PLA2G3: variants seen among roughly 807,000 people sequenced by gnomAD.
PLA2G3 encodes phospholipase A2 group III.
PLA2G3 carries 39 observed loss-of-function variants against 51.3 expected under a neutral mutation model. That is an observed-to-expected ratio of 0.76 (90% confidence interval 0.59 to 0.99). The LOEUF (loss-of-function observed/expected upper bound fraction) is 0.99. Among genes scored for constraint, PLA2G3 ranks in the 50% least tolerant of loss-of-function variants. PLA2G3 has a pLI of 0.00. For synonymous variants in PLA2G3, 293 were observed against 263.1 expected (o/e 1.11, Z -1.10); for missense variants, 677 against 662.1 (o/e 1.02, Z -0.25).
chr22:31,137,486 A>G (rs1922642717), intron 4 of PLA2G3, among the ~76,000 whole-genome samples: 1 of 152,142 alleles, frequency 6.6e-6, no homozygotes, highest in Admixed American at 6.5e-5. Flanking sequence ...TTGGGACATC[A>G]TTGGCTGAGA....
At position 31,135,894 on chromosome 22, in the gene PLA2G3, G is replaced by A. The variant is rs1334630986; in HGVS notation, c.1359C>T (p.His453=). 4 of 1,613,708 alleles carry A rather than the reference G, an allele frequency of 2.5e-6. No individual in the cohort carries two copies. The African/African-American group carries it at 5.3e-5, about 22-fold the overall frequency. The change falls in exon 7 of 7, where the codon CAC becomes CAT. Residue 453 remains histidine, a synonymous_variant. Coordinates refer to ENST00000215885, the MANE Select transcript of PLA2G3 (RefSeq NM_015715.5). The stretch of plus-strand genomic sequence containing the variant: ...GTCGCCTCTGCTGAAGCCTCCGCAA[G>A]TGCCGGGCTGACACCCTGATGGCCC... ...DPRAIRVSAR[H]LRRLQQRRHQ...
Position 31,139,829 on chromosome 22 carries a change from C to T in PLA2G3, c.514+12G>A. 6.2e-7 allele frequency: 1 copy of T among 1,606,266 alleles called. No homozygotes were observed. The highest frequency in any genetic ancestry group is 2.2e-5 in the East Asian group (1 of 44,758). On this transcript the variant is annotated intron_variant, in intron 1 of 6. Transcript: ENST00000215885. The stretch of plus-strand genomic sequence containing the variant: ...ATCGGACCCCCCAGCCCACACACCC[C>T]TCATGGCTCACCCAGCTCCGAGGAG...
At position 31,135,752 on chromosome 22, in the gene PLA2G3, C is replaced by A; in HGVS notation, c.1501G>T (p.Asp501Tyr). Residue 501 changes from aspartate to tyrosine, a missense_variant, in exon 7 of 7, where the codon GAC becomes TAC. Asp to Tyr is a radical substitution (Grantham distance 160). Transcript: ENST00000215885. ...TGGCTCCAGGACTTCTGCTGCCTGT[C>A]GGGTCTCCTGGCTGCCTGGGTTAGC... ...LQLTQAARRP[D>Y]RQQKSWSQ 6.2e-7 allele frequency: 1 copy of A among 1,613,814 alleles called. No individual in the cohort carries two copies. Among genetic ancestry groups the A allele is most frequent in the South Asian group, 1.1e-5 (1 of 91,064 alleles).
At chr22:31,137,622 G>C (rs1037095821) in intron 4 of PLA2G3, 88 bp downstream of exon 4, 4 of 1,221,238 alleles carry the variant, frequency 3.3e-6, no homozygotes, top group Non-Finnish European at 4.6e-6. Context: ...AACTGGTGCA[G>C]GAAAAGAGGC....
At chr22:31,136,480 T>G (rs1922567972) in intron 6 of PLA2G3, among the ~76,000 whole-genome samples, 1 of 152,134 alleles carries the variant, frequency 6.6e-6, no homozygotes, top group Non-Finnish European at 1.5e-5. Context: ...GGGAATCAAA[T>G]GACAAAGCCA....
intron 6 of PLA2G3, 33 bp downstream of exon 6, chr22:31,136,649 AC>A (rs747672919): frequency 1.8e-5 from 29 of 1,567,922 alleles, no homozygotes; most frequent in South Asian, 1.7e-4. Flanking sequence ...CTTTGAGAAA[AC>A]CCCCCATCCC....
rs770485758 is a variant in PLA2G3 at position 31,138,364 on chromosome 22, C to T, written c.694G>A (p.Val232Met). ...AGCACGTTGAAGAAGGCCACGCCCA[C>T]GATGTCCGAGATGGAGTCGTGCTGA... Reference protein sequence around the residue: ...QNQHDSISDIVGVAFFNVLEI... With the variant: ...QNQHDSISDIMGVAFFNVLEI... Residue 232 changes from valine to methionine, a missense_variant, in exon 3 of 7, where the codon GTG becomes ATG. Coordinates refer to ENST00000215885, the MANE Select transcript of PLA2G3 (RefSeq NM_015715.5). 1.1e-5 allele frequency: 17 copies of T among 1,613,842 alleles called. No individual in the cohort carries two copies. Among genetic ancestry groups the T allele is most frequent in the South Asian group, 2.2e-5 (2 of 91,080 alleles).
Position 31,138,390 on chromosome 22 carries a change from T to C in PLA2G3, c.668A>G (p.Asn223Ser), listed in dbSNP as rs755916639. The C allele has an allele frequency of 1.5e-5, 25 of 1,613,818 alleles. No homozygotes were observed. The highest frequency in any genetic ancestry group is 1.9e-5 in the Non-Finnish European group (23 of 1,179,986). ...CDTRFQQCLQ[N>S]QHDSISDIVG... ...GATGTCCGAGATGGAGTCGTGCTGA[T>C]TCTGTAGGCATTGCTGAAACCTGCC... Residue 223 changes from asparagine to serine, a missense_variant, in exon 3 of 7, where the codon AAT (asparagine) becomes AGT (serine). By Grantham distance (46) the Asn-to-Ser change is conservative. Coordinates refer to ENST00000215885, the MANE Select transcript of PLA2G3 (RefSeq NM_015715.5).
chr22:31,138,452 C>T (rs1270895540), intron 2 of PLA2G3, 42 bp from the exon 3 acceptor site: 7 of 1,605,674 alleles, frequency 4.4e-6, no homozygotes, highest in South Asian at 2.2e-5. Flanking sequence ...GCATGGAGGG[C>T]TGTCTGGCTC....
intron 2 of PLA2G3, 28 bp from the exon 3 acceptor site, chr22:31,138,438 T>C: frequency 6.2e-7 from 1 of 1,610,996 alleles, no homozygotes; most frequent in Non-Finnish European, 8.5e-7. Context: ...CCCAGGACCC[T>C]GGGGCATGGA....
intron 4 of PLA2G3, 128 bp from the exon 5 acceptor site, chr22:31,137,168 C>T (rs1922625846): frequency 9.9e-7 from 1 of 1,010,660 alleles, no homozygotes; most frequent in African/African-American, 1.6e-5. Flanking sequence ...CATTTCATGC[C>T]TTCTGAGTCT....
In PLA2G3 at chr22:31,138,795, G is replaced by A; in HGVS notation, c.519C>T (p.Val173=). 1 of 1,614,076 alleles carries A rather than the reference G, an allele frequency of 6.2e-7. No homozygotes were observed. The highest frequency in any genetic ancestry group is 8.5e-7 in the Non-Finnish European group (1 of 1,180,000). The change falls in exon 2 of 7, where the codon GTC becomes GTT. Residue 173 remains valine, a synonymous_variant. Transcript: ENST00000215885. ...DSAGNSSELG[V]FQGPDLCCRE... is the part of the protein sequence containing the mutation. ...GGCAACAGAGATCAGGTCCCTGGAA[G>A]ACCCCTGCAGGGAGGGGAGGGGAGA...
chr22:31,140,382 A>T lies in PLA2G3; in HGVS notation c.-28T>A. 7 of 1,537,728 alleles carry T rather than the reference A, an allele frequency of 4.6e-6. No individual in the cohort carries two copies. Among genetic ancestry groups the T allele is most frequent in the Non-Finnish European group, 5.2e-6 (6 of 1,150,300 alleles). ...TGCACTGGCCCAGTCCAGTCAGACA[A>T]AGCCCCTGGGATGCCTGCCCTTGGT... On this transcript the variant is annotated 5_prime_UTR_variant, in exon 1 of 7. It adds an upstream start codon to the 5' untranslated region. Coordinates refer to ENST00000215885, the MANE Select transcript of PLA2G3 (RefSeq NM_015715.5).
chr22:31,138,437 C>G (rs770061882), intron 2 of PLA2G3, 27 bp from the exon 3 acceptor site: 1 of 1,611,108 alleles, frequency 6.2e-7, no homozygotes. Context: ...ACCCAGGACC[C>G]TGGGGCATGG....
At chr22:31,137,129 T>C (rs1922622617) in intron 4 of PLA2G3, 89 bp from the exon 5 acceptor site, 3 of 1,268,620 alleles carry the variant, frequency 2.4e-6, no homozygotes, top group African/African-American at 1.5e-5. Flanking sequence ...CACCAGCACG[T>C]GTGCTCAGTC....
Position 31,138,713 on chromosome 22 carries a change from G to A in PLA2G3, c.601C>T (p.Arg201Ter), listed in dbSNP as rs762064028. 60 of 1,613,914 alleles carry A rather than the reference G, an allele frequency of 3.7e-5. No individual in the cohort carries two copies. The highest frequency in any genetic ancestry group is 2.3e-4 in the Admixed American group (14 of 59,974). ...GAGATGGTGTGGAATCGGTAGTTTC[G>A]GATGCCATAGTTGTACTGCAAGGGT... ...ISPLQYNYGI[R>*]NYRFHTISHC... Residue 201 changes from arginine to a stop codon, truncating the protein, a stop_gained, in exon 2 of 7, where the codon CGA becomes TGA. Coordinates refer to ENST00000215885, the MANE Select transcript of PLA2G3 (RefSeq NM_015715.5). LOFTEE classifies it high-confidence loss of function.
Position 31,138,715 on chromosome 22 carries a change from A to G in PLA2G3, c.599T>C (p.Ile200Thr), listed in dbSNP as rs1922734377. The part of the protein sequence containing the change: ...NISPLQYNYG[I>T]RNYRFHTISH... Reference sequence around the variant, plus strand: ...GATGGTGTGGAATCGGTAGTTTCGGATGCCATAGTTGTACTGCAAGGGTGA... The same window carrying G: ...GATGGTGTGGAATCGGTAGTTTCGGGTGCCATAGTTGTACTGCAAGGGTGA... Residue 200 changes from isoleucine (I) to threonine (T), a missense_variant, in exon 2 of 7, where the codon ATC (isoleucine) becomes ACC (threonine). Physicochemically the swap from Ile to Thr is moderately conservative, Grantham distance 89. Transcript: ENST00000215885. 2 of 1,613,938 alleles carry G rather than the reference A, an allele frequency of 1.2e-6. No homozygotes were observed. The highest frequency in any genetic ancestry group is 1.3e-5 in the African/African-American group (1 of 74,872).
rs1201647550 is a variant in PLA2G3, at chr22:31,135,583, C to T, written c.*140G>A. ...GGTCCAGCATTTGGGCCTTGAGATCCCCCCATTCATCCTCTTGATTGTCCA... is the reference window on the plus strand; with the variant it reads ...GGTCCAGCATTTGGGCCTTGAGATCTCCCCATTCATCCTCTTGATTGTCCA... On this transcript the variant is annotated 3_prime_UTR_variant, in exon 7 of 7. Transcript: ENST00000215885. The T allele has an allele frequency of 4.4e-6, 3 of 685,302 alleles. No homozygotes were observed. The highest frequency in any genetic ancestry group is 7.7e-6 in the Non-Finnish European group (3 of 388,668). The allele number at this position is 685,302 out of a possible 1,614,324, so 42.5% of individuals were successfully genotyped here.
In PLA2G3 at chr22:31,140,371, C is replaced by A; in HGVS notation, c.-17G>T. On this transcript the variant is annotated 5_prime_UTR_variant, in exon 1 of 7. Coordinates refer to ENST00000215885, the MANE Select transcript of PLA2G3 (RefSeq NM_015715.5). ...AACCCCCATTCTGCACTGGCCCAGT[C>A]CAGTCAGACAAAGCCCCTGGGATGC... 2 of 1,556,344 alleles carry A rather than the reference C, an allele frequency of 1.3e-6. No homozygotes were observed. The highest frequency in any genetic ancestry group is 1.7e-6 in the Non-Finnish European group (2 of 1,158,840).
Sources: gnomAD v4.1 joint callset for allele counts (sites outside exome capture counted in the v4.1 genomes callset) on GRCh38, gnomAD v4.1.1 for gene constraint, MANE v1.5 for transcripts, NCBI Gene and HGNC (gene_info 2026-07-23, HGNC 2026-07-21) for gene names.